Variants in CAMK4 observed in about 807,000 individuals in gnomAD.
The protein encoded by CAMK4 is calcium/calmodulin dependent protein kinase IV, also known as calcium/calmodulin-dependent protein kinase type IV.
A neutral mutation model predicts 44.9 loss-of-function variants in CAMK4; 22 were observed. That is an observed-to-expected ratio of 0.49 (90% confidence interval 0.35 to 0.70). The LOEUF is 0.70. Among genes scored for constraint, CAMK4 ranks in the 30% least tolerant of loss-of-function variants. CAMK4 has a pLI of 0.01. For missense variants in CAMK4, 498 were observed against 586.8 expected, an observed-to-expected ratio of 0.85 and a Z score of 1.56; for synonymous variants, 218 against 215.4, an observed-to-expected ratio of 1.01 and a Z score of -0.11.
chr5:111,430,063 C>G (rs1488164346), intron 5 of CAMK4, among the ~76,000 whole-genome samples: 1 of 151,946 alleles, frequency 6.6e-6, no homozygotes, highest in Non-Finnish European at 1.5e-5. Flanking sequence ...ATGCAAAAAT[C>G]TTCAACAAAA....
intron 8 of CAMK4, among the ~76,000 whole-genome samples, chr5:111,474,571 A>G (rs997444383): frequency 1.3e-5 from 2 of 152,138 alleles, no homozygotes; most frequent in Admixed American, 1.3e-4. Context: ...TGGGGCATCA[A>G]CATATGGATT....
intron 2 of CAMK4, 63 bp from the exon 3 acceptor site, chr5:111,374,787 A>G (rs1358925799): frequency 1.9e-5 from 20 of 1,035,316 alleles, no homozygotes; most frequent in South Asian, 2.6e-5. Flanking sequence ...TGCTGTTTCT[A>G]TTTCTCTGCT....
At chr5:111,471,386 C>G (rs1755060635) in intron 7 of CAMK4, among the ~76,000 whole-genome samples, 1 of 152,154 alleles carries the variant, frequency 6.6e-6, no homozygotes, top group Non-Finnish European at 1.5e-5. Flanking sequence ...TGGGCTTTGT[C>G]TTCAACATTG....
chr5:111,486,720 T>C lies in CAMK4; in HGVS notation c.*2254T>C, dbSNP rs1755644457. The C allele has an allele frequency of 6.6e-6, 1 of 152,110 alleles. No homozygotes were observed. The highest frequency in any genetic ancestry group is 2.4e-5 in the African/African-American group (1 of 41,396). The allele number at this position is 152,110 out of a possible 1,614,324, so 9.4% of individuals were successfully genotyped here. A position where few individuals can be genotyped will look rare whatever the true frequency, so the allele number is the denominator to read the frequency against. On this transcript the variant is annotated 3_prime_UTR_variant, in exon 11 of 11. Coordinates refer to ENST00000282356, the MANE Select transcript of CAMK4 (RefSeq NM_001744.6). The stretch of plus-strand genomic sequence containing the variant: ...CTGCATTGTTTGGCCCTGAGAACTA[T>C]AGAAACAACGTTGCAAATACCATGC...
At chr5:111,311,731 G>A (rs1307313973) in intron 1 of CAMK4, among the ~76,000 whole-genome samples, 3 of 152,096 alleles carry the variant, frequency 2.0e-5, no homozygotes, top group South Asian at 4.1e-4. Flanking sequence ...ACATCAAATT[G>A]TTCTCAAATT....
At chr5:111,443,306 ACACACACACT>A (rs1376169216) in intron 5 of CAMK4, among the ~76,000 whole-genome samples, 3 of 133,262 alleles carry the variant, frequency 2.3e-5, no homozygotes, top group African/African-American at 8.7e-5. Flanking sequence ...ACACACACAC[ACACACACACT>A]ATATATATAT....
chr5:111,376,411 C>T (rs1022482793), intron 3 of CAMK4, among the ~76,000 whole-genome samples: 28 of 151,848 alleles, frequency 1.8e-4, no homozygotes, highest in African/African-American at 6.8e-4. Context: ...ACATATAGGC[C>T]GACTTTAAGC....
intron 1 of CAMK4, among the ~76,000 whole-genome samples, chr5:111,322,874 G>A (rs1355992669): frequency 6.6e-6 from 1 of 152,028 alleles, no homozygotes; most frequent in African/African-American, 2.4e-5. Flanking sequence ...AATTTAAAAT[G>A]AATAAGCTTA....
At chr5:111,398,956 ATC>A (rs1430595445) in intron 5 of CAMK4, among the ~76,000 whole-genome samples, 25 of 152,236 alleles carry the variant, frequency 1.6e-4, no homozygotes, top group Non-Finnish European at 3.4e-4. Flanking sequence ...AGTCTGCATA[ATC>A]TCTCACTCAG....
chr5:111,266,718 C>A (rs1400469394), intron 1 of CAMK4, among the ~76,000 whole-genome samples: 1 of 152,216 alleles, frequency 6.6e-6, no homozygotes, highest in African/African-American at 2.4e-5. Flanking sequence ...AGCCCTGTGG[C>A]ATATGGTTTA....
chr5:111,371,238 C>G (rs972428519), intron 2 of CAMK4, among the ~76,000 whole-genome samples: 2 of 151,272 alleles, frequency 1.3e-5, no homozygotes, highest in African/African-American at 4.9e-5. Context: ...CTTCCATGTA[C>G]CTGGTGCACA....
At chr5:111,456,247 A>G (rs541172646) in intron 7 of CAMK4, among the ~76,000 whole-genome samples, 48 of 152,178 alleles carry the variant, frequency 3.2e-4, no homozygotes, top group African/African-American at 9.4e-4. Context: ...CACGACTGTA[A>G]TCCCAGCACT....
intron 1 of CAMK4, among the ~76,000 whole-genome samples, chr5:111,281,751 A>C (rs1751025588): frequency 6.6e-6 from 1 of 152,226 alleles, no homozygotes; most frequent in East Asian, 1.9e-4. Flanking sequence ...AAATTATCTA[A>C]AATTGACAAG....
At chr5:111,256,351 G>A (rs1327659566) in intron 1 of CAMK4, among the ~76,000 whole-genome samples, 1 of 152,150 alleles carries the variant, frequency 6.6e-6, no homozygotes, top group African/African-American at 2.4e-5. Context: ...GGATGTAATA[G>A]TTTTGTATCT....
intron 6 of CAMK4, among the ~76,000 whole-genome samples, chr5:111,447,415 C>G (rs1488017748): frequency 2.0e-5 from 3 of 152,102 alleles, no homozygotes; most frequent in Non-Finnish European, 4.4e-5. Flanking sequence ...AACCTTTAAC[C>G]TGTTAACATA....
intron 8 of CAMK4, among the ~76,000 whole-genome samples, chr5:111,474,317 G>A (rs1296273536): frequency 1.3e-5 from 2 of 152,144 alleles, no homozygotes; most frequent in South Asian, 2.1e-4. Flanking sequence ...CACAGTTTTC[G>A]GGGGCTGGAA....
intron 5 of CAMK4, among the ~76,000 whole-genome samples, chr5:111,427,730 A>G (rs1443786960): frequency 6.6e-6 from 1 of 152,168 alleles, no homozygotes; most frequent in Non-Finnish European, 1.5e-5. Context: ...ACAACAGAAT[A>G]CCAGGTAGAC....
Position 111,482,952 on chromosome 5 carries a change from ATTTTGTTTTG to A in CAMK4, c.981+30_981+39del, listed in dbSNP as rs762169064. The stretch of plus-strand genomic sequence containing the variant: ...GTAAGCTTAAGGTAAGATAGCATAT[ATTTTGTTTTG>A]TTTTGTTTTGTTTTCAAAAAATTTA... On this transcript the variant is annotated intron_variant, in intron 10 of 10. Transcript: ENST00000282356. The surrounding 1 kb of genome is among the most constrained non-coding windows in gnomAD (Gnocchi z 4.9). 8.9e-6 allele frequency: 14 copies of A among 1,580,980 alleles called. No individual in the cohort carries two copies. Among genetic ancestry groups the A allele is most frequent in the East Asian group, 4.6e-5 (2 of 43,862 alleles).
intron 1 of CAMK4, among the ~76,000 whole-genome samples, chr5:111,254,689 A>G (rs961197346): frequency 2.0e-5 from 3 of 152,146 alleles, no homozygotes; most frequent in Admixed American, 6.5e-5. Flanking sequence ...CCTGATTGCC[A>G]GCTCCCCCAG....
Sources: gnomAD v4.1 joint callset for allele counts (sites outside exome capture counted in the v4.1 genomes callset) on GRCh38, gnomAD v4.1.1 for gene constraint, Gnocchi (gnomAD v3.1) non-coding constraint, MANE v1.5 for transcripts, NCBI Gene and HGNC (gene_info 2026-07-23, HGNC 2026-07-21) for gene names.